SETD3: variants seen among roughly 807,000 people sequenced by gnomAD.
SETD3 encodes the protein SET domain containing 3, actin N3(tau)-histidine methyltransferase.
A neutral mutation model predicts 63.0 loss-of-function variants in SETD3; 19 were observed. The observed-to-expected ratio is 0.30, with a 90% CI of 0.21 to 0.44. The LOEUF is 0.44. SETD3 is among the 20% of genes least tolerant of loss of function. SETD3 has a pLI of 1.00. For synonymous variants in SETD3, 286 were observed against 264.1 expected, an observed-to-expected ratio of 1.08 and a Z score of -0.80; for missense variants, 587 against 728.5, an observed-to-expected ratio of 0.81 and a Z score of 2.24.
Position 99,445,007 on chromosome 14 carries a change from G to C in SETD3, c.675+13272C>G, listed in dbSNP as rs190607969. Reference sequence around the variant, plus strand: ...TCCACCTGGAGTGGACTGCAAGCTCGTAAGGACTCAAATGAAGCAAAAAAT... The same window carrying C: ...TCCACCTGGAGTGGACTGCAAGCTCCTAAGGACTCAAATGAAGCAAAAAAT... On this transcript the variant is annotated intron_variant, in intron 6 of 12. Transcript: ENST00000331768. Among the ~76,000 whole-genome samples the C allele has an allele frequency of 1.4e-4, 22 of 152,268 alleles. No homozygotes were observed. The East Asian group carries it at 4.2e-3, about 29-fold the overall frequency.
Position 99,399,011 on chromosome 14 carries a change from T to G in SETD3, c.1453A>C (p.Asn485His), listed in dbSNP as rs1196656056. 6.2e-7 allele frequency: 1 copy of G among 1,614,102 alleles called. No homozygotes were observed. The highest frequency in any genetic ancestry group is 1.7e-5 in the Admixed American group (1 of 60,010). ...LEKAVKSAAV[N>H]REYYRQQMEE... The stretch of plus-strand genomic sequence containing the variant: ...ATCTGTTGGCGATAGTATTCCCGGT[T>G]GACAGCTGCACTCTTTACTGCTTTT... Residue 485 changes from asparagine to histidine, a missense_variant, in exon 13 of 13, where the codon AAC becomes CAC. Physicochemically the swap from Asn to His is moderately conservative, Grantham distance 68. Coordinates refer to ENST00000331768, the MANE Select transcript of SETD3 (RefSeq NM_032233.3).
In SETD3 at chr14:99,443,802, C is replaced by G. The variant is rs371640280; in HGVS notation, c.675+14477G>C. 3.7e-4 allele frequency among the ~76,000 whole-genome samples: 57 copies of G among 152,258 alleles called. No homozygotes were observed. In the South Asian group the frequency reaches 0.012, roughly 31 times the overall value. On this transcript the variant is annotated intron_variant, in intron 6 of 12. Coordinates refer to ENST00000331768, the MANE Select transcript of SETD3 (RefSeq NM_032233.3). ...CTGTAAGATGAAGGTTACAGGGAGG[C>G]CTATTTTGCCTCAATATAAGGAATG...
chr14:99,460,677 A>C (rs545240349), intron 4 of SETD3, among the ~76,000 whole-genome samples: 24 of 152,320 alleles, frequency 1.6e-4, no homozygotes, highest in African/African-American at 5.3e-4. Flanking sequence ...TGGAAAGAAG[A>C]ACCAAGAACC....
chr14:99,486,357 G>A, the SETD3 span, among the ~76,000 whole-genome samples: 2 of 152,094 alleles, frequency 1.3e-5, no homozygotes, highest in Admixed American at 1.3e-4. Flanking sequence ...CTGGGCAAAC[G>A]CTCGCCTTTG....
intron 6 of SETD3, among the ~76,000 whole-genome samples, chr14:99,443,161 A>AT (rs1211797570): frequency 6.6e-6 from 1 of 151,588 alleles, no homozygotes; most frequent in Non-Finnish European, 1.5e-5. Context: ...CATCATGATC[A>AT]TTTTCTCCAA....
chr14:99,404,371 G>T, intron 10 of SETD3, 61 bp from the exon 11 acceptor site: 1 of 1,467,250 alleles, frequency 6.8e-7, no homozygotes, highest in Non-Finnish European at 9.5e-7. Context: ...GCTCCAAACT[G>T]AGATTCCTTA....
At chr14:99,463,609 CTT>C (rs764428256) in intron 2 of SETD3, 31 bp from the exon 3 acceptor site, 1 of 1,552,602 alleles carries the variant, frequency 6.4e-7, no homozygotes, top group Non-Finnish European at 8.9e-7. Context: ...TACTGAAACA[CTT>C]CTCTCTTTCA....
At chr14:99,456,896 A>C (rs1377169888) in intron 6 of SETD3, among the ~76,000 whole-genome samples, 1 of 152,204 alleles carries the variant, frequency 6.6e-6, no homozygotes, top group Non-Finnish European at 1.5e-5. Context: ...TAGACCCTCC[A>C]ACCTGCCAAC....
chr14:99,407,990 G>A (rs1286626660), intron 8 of SETD3, among the ~76,000 whole-genome samples: 14 of 152,222 alleles, frequency 9.2e-5, no homozygotes, highest in Admixed American at 6.5e-4. Context: ...TTAGAGCAGC[G>A]CCCAATCTCT....
intron 6 of SETD3, 142 bp from the exon 7 acceptor site, chr14:99,414,076 G>A: frequency 1.4e-6 from 1 of 719,290 alleles, no homozygotes; most frequent in Non-Finnish European, 2.4e-6. Context: ...CCGCGCTACA[G>A]AGGGATCATC....
upstream of SETD3, among the ~76,000 whole-genome samples, chr14:99,485,021 C>G (rs1367351820): frequency 1.3e-5 from 2 of 152,152 alleles, no homozygotes; most frequent in East Asian, 1.9e-4. Context: ...AAACTTACAA[C>G]TTTAGGGTCT....
At chr14:99,423,151 A>G (rs1482061973) in intron 6 of SETD3, among the ~76,000 whole-genome samples, 1 of 152,244 alleles carries the variant, frequency 6.6e-6, no homozygotes, top group Non-Finnish European at 1.5e-5. Flanking sequence ...AGGGAGGTGT[A>G]AAGGCCTTTC....
In SETD3 at chr14:99,398,856, C is replaced by T. The variant is rs1464211249; in HGVS notation, c.1608G>A (p.Leu536=). ...CTTTGCTGATTGCCTCTCTGATGTT[C>T]AAGGCATCCTGCACTCCAGCCTCCT... The part of the protein sequence containing the change: ...LEEEAGVQDA[L]NIREAISKAK... The change falls in exon 13 of 13, where the codon TTG becomes TTA. Residue 536 remains leucine (L), a synonymous_variant. Coordinates refer to ENST00000331768, the MANE Select transcript of SETD3 (RefSeq NM_032233.3). 1 of 1,614,218 alleles carries T rather than the reference C, an allele frequency of 6.2e-7. No individual in the cohort carries two copies. The highest frequency in any genetic ancestry group is 1.1e-5 in the South Asian group (1 of 91,080).
At chr14:99,422,790 G>A (rs374716297) in intron 6 of SETD3, among the ~76,000 whole-genome samples, 23 of 152,144 alleles carry the variant, frequency 1.5e-4, no homozygotes, top group African/African-American at 4.8e-4. Context: ...GTACCATACC[G>A]GGCTGCTGGT....
chr14:99,441,622 T>C (rs916279228), intron 6 of SETD3, among the ~76,000 whole-genome samples: 8 of 152,162 alleles, frequency 5.3e-5, no homozygotes, highest in Non-Finnish European at 8.8e-5. Context: ...CAGGGAAGCC[T>C]GCAGCAGGCA....
intron 4 of SETD3, among the ~76,000 whole-genome samples, chr14:99,460,538 G>C (rs1895012332): frequency 1.3e-5 from 2 of 152,064 alleles, no homozygotes; most frequent in African/African-American, 4.8e-5. Flanking sequence ...CTCCCATCGA[G>C]AAAAAGGCCA....
At chr14:99,460,593 C>T (rs1895014237) in intron 4 of SETD3, among the ~76,000 whole-genome samples, 1 of 152,036 alleles carries the variant, frequency 6.6e-6, no homozygotes, top group African/African-American at 2.4e-5. Context: ...TGAAGGAGTG[C>T]CTCCTCTTAG....
chr14:99,451,435 T>G (rs1051321207), intron 6 of SETD3, among the ~76,000 whole-genome samples: 1 of 152,238 alleles, frequency 6.6e-6, no homozygotes, highest in Non-Finnish European at 1.5e-5. Context: ...GTTTGGGTGG[T>G]AGACTTTCCT....
At chr14:99,451,712 G>T (rs1364393791) in intron 6 of SETD3, among the ~76,000 whole-genome samples, 1 of 151,854 alleles carries the variant, frequency 6.6e-6, no homozygotes, top group African/African-American at 2.4e-5. Context: ...TTGCCATGTT[G>T]CCCAGACTGG....
Sources: allele counts gnomAD v4.1 joint callset (sites outside exome capture counted in the v4.1 genomes callset), GRCh38; gene constraint gnomAD v4.1.1; transcripts MANE v1.5; gene names NCBI Gene and HGNC (gene_info 2026-07-23, HGNC 2026-07-21).